FAM107B: variants seen among roughly 807,000 people sequenced by gnomAD.
FAM107B encodes family with sequence similarity 107 member B, also known as protein FAM107B.
Under a neutral mutation model 31.5 loss-of-function variants are expected in FAM107B, and 21 were observed. The observed-to-expected ratio is 0.67, with a 90% CI of 0.47 to 0.96. The LOEUF (loss-of-function observed/expected upper bound fraction) is 0.96, where lower values mean the gene tolerates loss of function less well. Ranked by LOEUF, FAM107B falls within the 40% of genes least tolerant of loss-of-function variation. The pLI is 0.00. For missense variants in FAM107B, 452 were observed against 377.1 expected (o/e 1.20, Z -1.64); for synonymous variants, 157 against 141.5 (o/e 1.11, Z -0.78).
At chr10:14,561,415 AG>A in intron 2 of FAM107B, among the ~76,000 whole-genome samples, 1 of 152,368 alleles carries the variant, frequency 6.6e-6, no homozygotes, top group East Asian at 1.9e-4. Flanking sequence ...AGACACCTGA[AG>A]GAAGTGAGGG....
At chr10:14,589,264 T>A (rs1358018840) in intron 2 of FAM107B, among the ~76,000 whole-genome samples, 1 of 151,838 alleles carries the variant, frequency 6.6e-6, no homozygotes, top group East Asian at 1.9e-4. Context: ...TAGGTTGGCA[T>A]AGGACATTTA....
At chr10:14,717,522 G>T (rs1855806935) in intron 1 of FAM107B, among the ~76,000 whole-genome samples, 1 of 152,182 alleles carries the variant, frequency 6.6e-6, no homozygotes, top group African/African-American at 2.4e-5. Context: ...GAGTCCAAAG[G>T]CTGAAGAACC....
chr10:14,745,737 A>G (rs1832715635), intron 1 of FAM107B, among the ~76,000 whole-genome samples: 1 of 152,050 alleles, frequency 6.6e-6, no homozygotes, highest in Non-Finnish European at 1.5e-5. Flanking sequence ...GGTTGATTTT[A>G]GTGAGTGCCA....
intron 2 of FAM107B, among the ~76,000 whole-genome samples, chr10:14,625,868 T>TTAAAAAAAAAAAAA (rs565458479): frequency 2.8e-5 from 3 of 108,920 alleles, no homozygotes; most frequent in African/African-American, 1.1e-4. Context: ...GCTCATGGAT[T>TTAAAAAAAAAAAAA]AAAAAAAAAA....
At chr10:14,712,572 G>T (rs1213410108) in intron 1 of FAM107B, among the ~76,000 whole-genome samples, 1 of 150,172 alleles carries the variant, frequency 6.7e-6, no homozygotes, top group Admixed American at 6.6e-5. Flanking sequence ...CCAGCCTGGG[G>T]GATAGAATGT....
chr10:14,598,972 T>C (rs553522821), intron 2 of FAM107B, among the ~76,000 whole-genome samples: 1 of 152,160 alleles, frequency 6.6e-6, no homozygotes, highest in South Asian at 2.1e-4. Flanking sequence ...TACAGCACCT[T>C]GCTCCGTTCA....
chr10:14,642,440 G>A (rs1307593700), intron 2 of FAM107B, among the ~76,000 whole-genome samples: 1 of 152,132 alleles, frequency 6.6e-6, no homozygotes, highest in Non-Finnish European at 1.5e-5. Flanking sequence ...TTCTCTTCTG[G>A]GAGAATAGTG....
intron 1 of FAM107B, among the ~76,000 whole-genome samples, chr10:14,736,888 G>C (rs1481619475): frequency 2.6e-5 from 4 of 152,222 alleles, no homozygotes; most frequent in Admixed American, 6.5e-5. Context: ...GAGCTGCAGA[G>C]AGACCCACTG....
chr10:14,700,691 T>C (rs986895911), intron 1 of FAM107B, among the ~76,000 whole-genome samples: 27 of 151,964 alleles, frequency 1.8e-4, no homozygotes, highest in African/African-American at 6.5e-4. Context: ...CAATGATGCT[T>C]TTTTCCCCCA....
At chr10:14,667,293 C>G (rs923930885) in intron 2 of FAM107B, among the ~76,000 whole-genome samples, 1 of 152,170 alleles carries the variant, frequency 6.6e-6, no homozygotes, top group Non-Finnish European at 1.5e-5. Context: ...CCAAGATAAT[C>G]ATAAATATTT....
At chr10:14,707,325 C>T (rs1242919076) in intron 1 of FAM107B, among the ~76,000 whole-genome samples, 1 of 152,152 alleles carries the variant, frequency 6.6e-6, no homozygotes, top group African/African-American at 2.4e-5. Context: ...TCATAACCTT[C>T]TTTCAACTAC....
At chr10:14,767,024 GTATATATATATATATA>G (rs369321562) in intron 1 of FAM107B, among the ~76,000 whole-genome samples, 19 of 16,238 alleles carry the variant, frequency 1.2e-3, no homozygotes, top group African/African-American at 1.8e-3. Context: ...TGATGTGTAT[GTATATATATATATATA>G]TATATATATA....
intron 2 of FAM107B, among the ~76,000 whole-genome samples, chr10:14,595,567 AGGCGTGCACCACCAC>A (rs1320546042): frequency 6.6e-6 from 1 of 151,952 alleles, no homozygotes; most frequent in African/African-American, 2.4e-5. Context: ...CTGGGACCAC[AGGCGTGCACCACCAC>A]GCCTGGCTAA....
chr10:14,731,031 G>A (rs1856160778), intron 1 of FAM107B, among the ~76,000 whole-genome samples: 2 of 152,186 alleles, frequency 1.3e-5, no homozygotes, highest in South Asian at 2.1e-4. Flanking sequence ...GAATCAGGGA[G>A]AGGGCTTAGC....
At chr10:14,677,105 A>T (rs2131488431) in intron 1 of FAM107B, among the ~76,000 whole-genome samples, 1 of 152,106 alleles carries the variant, frequency 6.6e-6, no homozygotes, top group East Asian at 1.9e-4. Flanking sequence ...TCCTCTTTCT[A>T]TCCACAAGGG....
At chr10:14,672,749 C>T (rs10906742) in intron 1 of FAM107B, among the ~76,000 whole-genome samples, 74,099 of 151,922 alleles carry the variant, frequency 0.49, 18,268 homozygotes, top group Middle Eastern at 0.55. Flanking sequence ...TACAAATTAG[C>T]TTCTTTTCCT....
chr10:14,531,882 C>T (rs549109124), intron 2 of FAM107B, among the ~76,000 whole-genome samples: 2 of 152,072 alleles, frequency 1.3e-5, no homozygotes, highest in South Asian at 2.1e-4. Context: ...ATATATATTG[C>T]GCCTCACATA....
At chr10:14,625,302 C>T (rs1365408601) in intron 2 of FAM107B, among the ~76,000 whole-genome samples, 8 of 151,174 alleles carry the variant, frequency 5.3e-5, no homozygotes, top group South Asian at 2.1e-4. Flanking sequence ...CCCTCCCAGC[C>T]CTGGGAATTT....
intron 1 of FAM107B, among the ~76,000 whole-genome samples, chr10:14,704,890 G>C (rs1333890371): frequency 6.6e-6 from 1 of 151,946 alleles, no homozygotes; most frequent in African/African-American, 2.4e-5. Flanking sequence ...TAAGCATGGT[G>C]GTGGGCAACT....
Sources: allele counts gnomAD v4.1 joint callset (sites outside exome capture counted in the v4.1 genomes callset), GRCh38; gene constraint gnomAD v4.1.1; transcripts MANE v1.5; gene names NCBI Gene and HGNC (gene_info 2026-07-23, HGNC 2026-07-21).